CHST8: variants seen among roughly 807,000 people sequenced by gnomAD.
The protein encoded by CHST8 is carbohydrate sulfotransferase 8.
In CHST8, 10 loss-of-function variants were observed where a neutral mutation model predicts 15.0. That is an observed-to-expected ratio of 0.67 (90% CI 0.41 to 1.13). CHST8 has a LOEUF of 1.13. Among genes scored for constraint, CHST8 ranks in the 50% most tolerant of loss-of-function variants. The pLI, the probability that CHST8 is intolerant of heterozygous loss-of-function variation, is 0.00. For missense variants in CHST8, 634 were observed against 608.2 expected (o/e 1.04, Z -0.45); for synonymous variants, 259 against 256.6 (o/e 1.01, Z -0.09).
chr19:33,674,405 G>A (rs1355331405), intron 2 of CHST8, among the ~76,000 whole-genome samples: 1 of 152,140 alleles, frequency 6.6e-6, no homozygotes, highest in African/African-American at 2.4e-5. Flanking sequence ...CTAATGAGGG[G>A]GTCTGTGAAA....
At chr19:33,722,511 AAGC>A (rs545703709) in intron 3 of CHST8, among the ~76,000 whole-genome samples, 311 of 152,280 alleles carry the variant, frequency 2.0e-3, no homozygotes, top group Non-Finnish European at 3.6e-3. Flanking sequence ...TCATCTCCAG[AAGC>A]TATTTTCTTG....
chr19:33,706,554 C>T (rs1027038068), intron 3 of CHST8, among the ~76,000 whole-genome samples: 1 of 152,170 alleles, frequency 6.6e-6, no homozygotes. Context: ...GGGCAAATGA[C>T]TTGGGCCCCA....
At chr19:33,679,832 T>TGACCACCTGGG (rs1253492810) in intron 2 of CHST8, among the ~76,000 whole-genome samples, 1 of 152,222 alleles carries the variant, frequency 6.6e-6, no homozygotes, top group African/African-American at 2.4e-5. Flanking sequence ...AAGGATTTGC[T>TGACCACCTGGG]GACCACCTGG....
At chr19:33,720,952 C>T (rs1973778599) in intron 3 of CHST8, among the ~76,000 whole-genome samples, 1 of 152,258 alleles carries the variant, frequency 6.6e-6, no homozygotes, top group African/African-American at 2.4e-5. Flanking sequence ...CCAGACCTGG[C>T]CCAAGCCAGG....
intron 1 of CHST8, among the ~76,000 whole-genome samples, chr19:33,634,527 A>T (rs1174479010): frequency 2.0e-5 from 3 of 151,948 alleles, no homozygotes; most frequent in Non-Finnish European, 4.4e-5. Context: ...TCTCTGGATG[A>T]GTCTGGGGAA....
At chr19:33,703,598 G>A (rs1419477208) in intron 3 of CHST8, among the ~76,000 whole-genome samples, 1 of 152,188 alleles carries the variant, frequency 6.6e-6, no homozygotes, top group Non-Finnish European at 1.5e-5. Context: ...GGCTCCAACT[G>A]CCTGCCGGTG....
chr19:33,687,386 G>T (rs1166953874), intron 2 of CHST8, among the ~76,000 whole-genome samples: 1 of 152,206 alleles, frequency 6.6e-6, no homozygotes, highest in Non-Finnish European at 1.5e-5. Context: ...TCTACTCTTT[G>T]CAGGCAAGGC....
At chr19:33,675,261 T>G (rs1410681958) in intron 2 of CHST8, among the ~76,000 whole-genome samples, 3 of 152,170 alleles carry the variant, frequency 2.0e-5, no homozygotes, top group African/African-American at 7.2e-5. Context: ...GGTCAAGAAG[T>G]TCTATTGGCT....
intron 3 of CHST8, among the ~76,000 whole-genome samples, chr19:33,755,562 C>T (rs1222851517): frequency 1.3e-5 from 2 of 152,244 alleles, no homozygotes; most frequent in Admixed American, 6.5e-5. Flanking sequence ...ATCCCTGCCA[C>T]GCGCAGGCGT....
chr19:33,668,082 C>T (rs376968520), intron 2 of CHST8, among the ~76,000 whole-genome samples: 1 of 152,158 alleles, frequency 6.6e-6, no homozygotes. Context: ...ATGCGTCAGA[C>T]AGCACATCTG....
intron 1 of CHST8, among the ~76,000 whole-genome samples, chr19:33,626,735 C>A (rs1972058477): frequency 6.7e-6 from 1 of 150,270 alleles, no homozygotes; most frequent in Admixed American, 6.6e-5. Flanking sequence ...TGCCATGCTT[C>A]TTGTACAGGC....
chr19:33,676,147 G>A (rs1003119431), intron 2 of CHST8, among the ~76,000 whole-genome samples: 1 of 152,186 alleles, frequency 6.6e-6, no homozygotes, highest in Non-Finnish European at 1.5e-5. Context: ...TAAGGCTCAA[G>A]TAAGTTTTTT....
chr19:33,650,561 T>C (rs1313898978), intron 1 of CHST8, among the ~76,000 whole-genome samples: 11 of 125,564 alleles, frequency 8.8e-5, no homozygotes, highest in Non-Finnish European at 1.6e-4. Flanking sequence ...ACATAGTCTC[T>C]CACTCTGTCG....
chr19:33,643,610 T>G (rs1972312312), intron 1 of CHST8, among the ~76,000 whole-genome samples: 1 of 152,234 alleles, frequency 6.6e-6, no homozygotes, highest in African/African-American at 2.4e-5. Flanking sequence ...AATGCCACCT[T>G]GACCATTTGC....
chr19:33,657,126 TAC>T (rs530334678), intron 1 of CHST8, among the ~76,000 whole-genome samples: 8,542 of 127,426 alleles, frequency 0.067, 351 homozygotes, highest in African/African-American at 0.14. Context: ...TTTGCTTTAT[TAC>T]ACACACACAC....
intron 3 of CHST8, among the ~76,000 whole-genome samples, chr19:33,697,643 G>A (rs796863848): frequency 5.9e-5 from 9 of 152,354 alleles, no homozygotes; most frequent in African/African-American, 2.2e-4. Flanking sequence ...CAGCTTCTGG[G>A]CTTCAGAGCT....
At chr19:33,699,036 C>T (rs1213016044) in intron 3 of CHST8, among the ~76,000 whole-genome samples, 2 of 152,200 alleles carry the variant, frequency 1.3e-5, no homozygotes, top group African/African-American at 2.4e-5. Context: ...ATCCTGGAAG[C>T]TGTCCCTGCT....
At chr19:33,733,232 CTTT>C (rs34651897) in intron 3 of CHST8, among the ~76,000 whole-genome samples, 9 of 125,610 alleles carry the variant, frequency 7.2e-5, no homozygotes, top group Admixed American at 8.3e-5. Flanking sequence ...CAGATATATT[CTTT>C]TTTTTTTTTT....
At chr19:33,708,180 GCTTGT>G (rs1973482286) in intron 3 of CHST8, among the ~76,000 whole-genome samples, 1 of 152,026 alleles carries the variant, frequency 6.6e-6, no homozygotes, top group Admixed American at 6.5e-5. Flanking sequence ...CCCATCTGTG[GCTTGT>G]CTTTTCATTT....
Sources: gnomAD v4.1 joint callset for allele counts (sites outside exome capture counted in the v4.1 genomes callset) on GRCh38, gnomAD v4.1.1 for gene constraint, MANE v1.5 for transcripts, NCBI Gene and HGNC (gene_info 2026-07-23, HGNC 2026-07-21) for gene names.